Variants in PMFBP1 observed in about 807,000 individuals in gnomAD.
PMFBP1 encodes polyamine modulated factor 1 binding protein 1.
Under a neutral mutation model 137.8 loss-of-function variants are expected in PMFBP1, and 131 were observed. The observed-to-expected ratio is 0.95, with a 90% CI of 0.82 to 1.10. PMFBP1 has a LOEUF of 1.10. PMFBP1 is among the 50% of genes least tolerant of loss of function. The pLI is 0.00. For synonymous variants in PMFBP1, 490 were observed against 450.4 expected (o/e 1.09, Z -1.11); for missense variants, 1,199 against 1,175.4 (o/e 1.02, Z -0.29).
chr16:72,163,329 T>C (rs1213207124), intron 3 of PMFBP1, among the ~76,000 whole-genome samples: 2 of 152,250 alleles, frequency 1.3e-5, no homozygotes, highest in Non-Finnish European at 2.9e-5. Context: ...ATTTAGAGAC[T>C]GACTTAAAGA....
At chr16:72,231,509 G>A in the PMFBP1 span, among the ~76,000 whole-genome samples, 111 of 152,120 alleles carry the variant, frequency 7.3e-4, no homozygotes, top group Middle Eastern at 6.3e-3. Context: ...CCTGAAAATT[G>A]GAATAAGGCA....
upstream of PMFBP1, among the ~76,000 whole-genome samples, chr16:72,179,894 T>C (rs1280484774): frequency 6.6e-6 from 1 of 152,194 alleles, no homozygotes. Flanking sequence ...CCTGTATTCT[T>C]TGAACATCTA....
chr16:72,222,451 G>C, the PMFBP1 span, among the ~76,000 whole-genome samples: 6,356 of 152,146 alleles, frequency 0.042, 239 homozygotes, highest in South Asian at 0.22. Context: ...AATATGCCAA[G>C]CATGGTATCA....
chr16:72,140,359 C>G, intron 6 of PMFBP1, 53 bp downstream of exon 6: 2 of 1,518,468 alleles, frequency 1.3e-6, no homozygotes, highest in Non-Finnish European at 1.8e-6. Context: ...CTTTCTCTCC[C>G]CATGTCTTGA....
upstream of PMFBP1, among the ~76,000 whole-genome samples, chr16:72,179,995 G>C (rs925654425): frequency 5.5e-4 from 84 of 152,156 alleles, no homozygotes; most frequent in African/African-American, 1.9e-3. Context: ...ACCACTGGCT[G>C]CAGATACCTA....
At chr16:72,241,451 A>G in the PMFBP1 span, among the ~76,000 whole-genome samples, 2 of 152,226 alleles carry the variant, frequency 1.3e-5, no homozygotes, top group East Asian at 3.8e-4. Context: ...AAAAATTTCA[A>G]AGCCATCATA....
chr16:72,227,397 A>G, the PMFBP1 span, among the ~76,000 whole-genome samples: 6 of 152,208 alleles, frequency 3.9e-5, no homozygotes, highest in African/African-American at 1.2e-4. Context: ...AAAGGGACAC[A>G]TGCTTATTCT....
chr16:72,128,934 G>A, intron 13 of PMFBP1, 132 bp downstream of exon 13: 6 of 1,503,756 alleles, frequency 4.0e-6, no homozygotes, highest in Non-Finnish European at 5.4e-6. Context: ...CCTCCTCGCT[G>A]GCCTTTCCCA....
intron 3 of PMFBP1, among the ~76,000 whole-genome samples, chr16:72,159,800 T>G (rs1415649128): frequency 6.6e-6 from 1 of 151,362 alleles, no homozygotes; most frequent in African/African-American, 2.4e-5. Context: ...TCTTTGTCTT[T>G]TTTTTTTTTT....
chr16:72,158,811 T>C lies in PMFBP1; in HGVS notation c.166-4352A>G, dbSNP rs1597486826. Reference sequence around the variant, plus strand: ...GAGTTCAAGACCAGCCTGGGCAAGATAGCGAGACCACCATCTTTATAAAAA... The same window carrying C: ...GAGTTCAAGACCAGCCTGGGCAAGACAGCGAGACCACCATCTTTATAAAAA... On this transcript the variant is annotated intron_variant, in intron 3 of 20. Coordinates refer to ENST00000237353, the MANE Select transcript of PMFBP1 (RefSeq NM_031293.3). Among the ~76,000 whole-genome samples the C allele has an allele frequency of 2.0e-5, 3 of 151,926 alleles. 1 individual carries two copies. Among genetic ancestry groups the C allele is most frequent in the South Asian group, 4.2e-4 (2 of 4,810 alleles).
At chr16:72,134,260 C>T (rs1441144140) in intron 9 of PMFBP1, among the ~76,000 whole-genome samples, 1 of 152,180 alleles carries the variant, frequency 6.6e-6, no homozygotes, top group Non-Finnish European at 1.5e-5. Context: ...GAGGCAAGAT[C>T]TGAGGTTGCT....
chr16:72,245,191 T>A, the PMFBP1 span, among the ~76,000 whole-genome samples: 1 of 150,990 alleles, frequency 6.6e-6, no homozygotes, highest in Non-Finnish European at 1.5e-5. Context: ...GACAGAAAAC[T>A]AAATAACAAT....
At chr16:72,173,860 C>T (rs957240565), upstream of PMFBP1, 1 of 152,286 alleles carries the variant, frequency 6.6e-6, no homozygotes, top group Non-Finnish European at 1.5e-5. Flanking sequence ...AGATCCCCGG[C>T]TACTGACTCT....
At chr16:72,172,870 G>A (rs749057827), upstream of PMFBP1, among the ~76,000 whole-genome samples, 2 of 152,168 alleles carry the variant, frequency 1.3e-5, no homozygotes, top group African/African-American at 2.4e-5. Flanking sequence ...GAAAAATGGC[G>A]CCAATAGACT....
intron 3 of PMFBP1, among the ~76,000 whole-genome samples, chr16:72,163,446 C>T (rs2043093672): frequency 6.6e-6 from 1 of 152,222 alleles, no homozygotes; most frequent in Non-Finnish European, 1.5e-5. Context: ...AAATCACAGT[C>T]TCAAGAAAGA....
chr16:72,167,480 GA>G (rs2043162174), intron 2 of PMFBP1, among the ~76,000 whole-genome samples: 1 of 152,166 alleles, frequency 6.6e-6, no homozygotes, highest in African/African-American at 2.4e-5. Context: ...AATTAATGGG[GA>G]CTCTCTTAAG....
At position 72,148,647 on chromosome 16, in the gene PMFBP1, T is replaced by C. The variant is rs1454542245; in HGVS notation, c.636+1961A>G. Among the ~76,000 whole-genome samples, 3 of 152,264 alleles carry C rather than the reference T, an allele frequency of 2.0e-5. No homozygotes were observed. The East Asian group carries it at 5.8e-4, about 29-fold the overall frequency. On this transcript the variant is annotated intron_variant, in intron 5 of 20. Transcript: ENST00000237353. ...TAATGAAGCATTATTGCCTGTAATA[T>C]ATTAAGAAGCTCCTATACACCAATA...
chr16:72,225,936 C>CAT, the PMFBP1 span, among the ~76,000 whole-genome samples: 4 of 62,622 alleles, frequency 6.4e-5, no homozygotes, highest in African/African-American at 1.7e-4. Flanking sequence ...CACTCACAGA[C>CAT]ACACACACAC....
In PMFBP1 at chr16:72,119,933, G is replaced by A. The variant is rs922074443; in HGVS notation, c.2925C>T (p.Gly975=). 2.5e-6 allele frequency: 4 copies of A among 1,614,080 alleles called. No individual in the cohort carries two copies. In the East Asian group the frequency reaches 6.7e-5, roughly 27 times the overall value. The change falls in exon 20 of 21, where the codon GGC becomes GGT. Residue 975 remains glycine, a synonymous_variant. Transcript: ENST00000237353. ...GGGGCAACCCCTTCCAGCCCAAGGT[G>A]CCGCACACTTTCTCCCTCTGTGTGG... is the stretch of plus-strand genomic sequence containing the variant. ...TESTQREKVC[G]TLGWKGLPQD... is the part of the protein sequence containing the mutation.
Sources: allele counts gnomAD v4.1 joint callset (sites outside exome capture counted in the v4.1 genomes callset), GRCh38; gene constraint gnomAD v4.1.1; transcripts MANE v1.5; gene names NCBI Gene and HGNC (gene_info 2026-07-23, HGNC 2026-07-21).